The following PHACTR1 variants were observed in gnomAD, a reference collection of about 807,000 sequenced individuals.
PHACTR1 encodes the protein phosphatase and actin regulator 1, also known as RPEL repeat containing 1.
A neutral mutation model predicts 69.2 loss-of-function variants in PHACTR1; 16 were observed. The observed-to-expected ratio is 0.23, with a 90% CI of 0.16 to 0.35. PHACTR1 has a LOEUF of 0.35. Ranked by LOEUF, PHACTR1 falls within the 10% of genes least tolerant of loss-of-function variation. PHACTR1 has a pLI of 1.00. For synonymous variants in PHACTR1, 312 were observed against 284.5 expected (o/e 1.10, Z -0.97); for missense variants, 510 against 734.7 (o/e 0.69, Z 3.54).
intron 4 of PHACTR1, among the ~76,000 whole-genome samples, chr6:12,973,321 A>G (rs1328774491): frequency 6.6e-6 from 1 of 152,084 alleles, no homozygotes; most frequent in Non-Finnish European, 1.5e-5. Flanking sequence ...CCAATTTTAA[A>G]TCTCCTCCAC....
intron 8 of PHACTR1, among the ~76,000 whole-genome samples, chr6:13,224,662 C>T (rs917341838): frequency 7.5e-6 from 1 of 133,400 alleles, no homozygotes; most frequent in African/African-American, 2.5e-5. Context: ...GCACAGGCCA[C>T]GTGTCATAAG....
At chr6:13,207,886 T>C (rs578001037) in intron 8 of PHACTR1, among the ~76,000 whole-genome samples, 18 of 151,848 alleles carry the variant, frequency 1.2e-4, no homozygotes, top group Admixed American at 5.9e-4. Context: ...GGTTGTGTTT[T>C]CCTGACTCTC....
chr6:12,980,879 G>A (rs188631904), intron 4 of PHACTR1, among the ~76,000 whole-genome samples: 2 of 152,332 alleles, frequency 1.3e-5, no homozygotes, highest in Admixed American at 1.3e-4. Context: ...CCTACACGAT[G>A]TCTTTAAAAT....
chr6:12,787,161 A>G (rs1243920081), intron 4 of PHACTR1, among the ~76,000 whole-genome samples: 1 of 152,212 alleles, frequency 6.6e-6, no homozygotes, highest in Non-Finnish European at 1.5e-5. Context: ...CAGCTGGTGA[A>G]ATTAGGACAA....
chr6:13,035,362 C>T (rs1803151020), intron 4 of PHACTR1, among the ~76,000 whole-genome samples: 1 of 152,074 alleles, frequency 6.6e-6, no homozygotes, highest in Admixed American at 6.5e-5. Context: ...CTTATTCCCC[C>T]CTCCCATTTT....
At chr6:13,100,510 A>G (rs989529524) in intron 5 of PHACTR1, among the ~76,000 whole-genome samples, 2 of 152,024 alleles carry the variant, frequency 1.3e-5, no homozygotes, top group African/African-American at 2.4e-5. Context: ...CTGTCTCCAT[A>G]CCTGAGTACC....
At chr6:12,973,644 C>T (rs1038254797) in intron 4 of PHACTR1, among the ~76,000 whole-genome samples, 15 of 152,152 alleles carry the variant, frequency 9.9e-5, no homozygotes, top group Non-Finnish European at 1.6e-4. Context: ...TTAAAGGATC[C>T]GTGTTATCTA....
chr6:13,006,142 G>A (rs1485931092), intron 4 of PHACTR1, among the ~76,000 whole-genome samples: 1 of 152,188 alleles, frequency 6.6e-6, no homozygotes, highest in Non-Finnish European at 1.5e-5. Flanking sequence ...AAGATTAAAA[G>A]AGCAGGATCT....
intron 4 of PHACTR1, among the ~76,000 whole-genome samples, chr6:12,946,026 C>T (rs1028663342): frequency 6.7e-5 from 10 of 148,876 alleles, no homozygotes; most frequent in African/African-American, 1.7e-4. Flanking sequence ...ACCTCCAAGG[C>T]GGGGGTGGAA....
intron 5 of PHACTR1, among the ~76,000 whole-genome samples, chr6:13,068,591 T>G (rs934471000): frequency 6.6e-6 from 1 of 152,184 alleles, no homozygotes; most frequent in South Asian, 2.1e-4. Flanking sequence ...GTGCTGAGTT[T>G]AGGAGCCTGC....
intron 8 of PHACTR1, among the ~76,000 whole-genome samples, chr6:13,219,343 G>A (rs1409991007): frequency 6.6e-6 from 1 of 152,192 alleles, no homozygotes; most frequent in Non-Finnish European, 1.5e-5. Flanking sequence ...ACTCGTTAGT[G>A]GGAGCGACAG....
chr6:13,182,681 G>A lies in PHACTR1; in HGVS notation c.659G>A (p.Gly220Glu), dbSNP rs776404997. 3 of 1,543,100 alleles carry A rather than the reference G, an allele frequency of 1.9e-6. No homozygotes were observed. Among genetic ancestry groups the A allele is most frequent in the Admixed American group, 4.1e-5 (2 of 48,860 alleles). The change falls in exon 7 of 15, where the codon GGG becomes GAG. Residue 220 changes from glycine (G) to glutamate (E), a missense_variant. Gly to Glu is a moderately conservative substitution (Grantham distance 98). Around this residue, in one of 2 missense-constraint regions of PHACTR1, gnomAD observed 419 missense variants for 530.9 expected, o/e 0.79. Transcript: ENST00000332995. ...CTCCAACCGTCAGACATCATGGATG[G>A]GCCAGGTAATGCCCCGGCAGGATTG... ...EVLQPSDIMD[G>E]PDPGAPVKLP...
chr6:12,980,770 C>T (rs879486333), intron 4 of PHACTR1, among the ~76,000 whole-genome samples: 8 of 152,300 alleles, frequency 5.3e-5, no homozygotes, highest in Middle Eastern at 3.4e-3. Flanking sequence ...AAAGACAGCC[C>T]GGAAGAGATA....
intron 4 of PHACTR1, among the ~76,000 whole-genome samples, chr6:13,034,582 A>T (rs1803007022): frequency 6.6e-6 from 1 of 152,208 alleles, no homozygotes; most frequent in Admixed American, 6.5e-5. Context: ...GCAGATAATT[A>T]AAAGAAAAAT....
chr6:12,924,900 T>C (rs1788113979), intron 4 of PHACTR1, among the ~76,000 whole-genome samples: 1 of 152,190 alleles, frequency 6.6e-6, no homozygotes, highest in East Asian at 1.9e-4. Flanking sequence ...TGCAAATTGA[T>C]GATCATAATG....
intron 8 of PHACTR1, among the ~76,000 whole-genome samples, chr6:13,224,896 C>A (rs1308868770): frequency 6.6e-6 from 1 of 152,156 alleles, no homozygotes; most frequent in Non-Finnish European, 1.5e-5. Flanking sequence ...CTTGGAAGGC[C>A]ATGTCTGTCA....
chr6:12,734,999 TA>T (rs1764043138), intron 3 of PHACTR1, among the ~76,000 whole-genome samples: 1 of 152,198 alleles, frequency 6.6e-6, no homozygotes, highest in African/African-American at 2.4e-5. Flanking sequence ...TTTAGTGACT[TA>T]AAACAACAAA....
chr6:12,742,149 A>G (rs936086636), intron 3 of PHACTR1, among the ~76,000 whole-genome samples: 5 of 152,230 alleles, frequency 3.3e-5, no homozygotes, highest in Non-Finnish European at 7.3e-5. Flanking sequence ...GAATAAAAGA[A>G]TGGCTACTGT....
chr6:12,973,497 G>A (rs922691058), intron 4 of PHACTR1, among the ~76,000 whole-genome samples: 18 of 152,296 alleles, frequency 1.2e-4, no homozygotes, highest in African/African-American at 4.3e-4. Context: ...GTGGACAAAT[G>A]GGAACAAACA....
Sources: allele counts gnomAD v4.1 joint callset (sites outside exome capture counted in the v4.1 genomes callset), GRCh38; gene constraint gnomAD v4.1.1; regional missense constraint gnomAD v4.1.1; transcripts MANE v1.5; gene names NCBI Gene and HGNC (gene_info 2026-07-23, HGNC 2026-07-21).